CMTR1: variants seen among roughly 807,000 people sequenced by gnomAD.
CMTR1 encodes the protein cap methyltransferase 1.
CMTR1 carries 39 observed loss-of-function variants against 107.0 expected under a neutral mutation model. The ratio of observed to expected loss-of-function variants is 0.36; its 90% confidence interval spans 0.28 to 0.48. CMTR1 has a LOEUF of 0.48. CMTR1 is among the 20% of genes least tolerant of loss of function. The pLI, the probability that CMTR1 is intolerant of heterozygous loss-of-function variation, is 0.99. For missense variants in CMTR1, 672 were observed against 1,064.9 expected (o/e 0.63, Z 5.14); for synonymous variants, 366 against 379.5 (o/e 0.96, Z 0.41).
At chr6:37,425,908 A>G in the CMTR1 span, among the ~76,000 whole-genome samples, 1 of 152,252 alleles carries the variant, frequency 6.6e-6, no homozygotes, top group African/African-American at 2.4e-5. Flanking sequence ...ACACTCCCAC[A>G]ATGCATATGT....
the CMTR1 span, among the ~76,000 whole-genome samples, chr6:37,426,018 C>A: frequency 6.6e-6 from 1 of 152,054 alleles, no homozygotes; most frequent in East Asian, 1.9e-4. Flanking sequence ...ATTGTCCTAT[C>A]TTCAGGTTCA....
At chr6:37,478,631 G>A (rs1761791946) in intron 22 of CMTR1, 110 bp downstream of exon 22, 3 of 823,496 alleles carry the variant, frequency 3.6e-6, no homozygotes, top group African/African-American at 1.7e-5. Flanking sequence ...AGCTAAGGTG[G>A]GTAGCAGCCA....
At chr6:37,434,255 G>A (rs1377293287) in intron 1 of CMTR1, among the ~76,000 whole-genome samples, 1 of 152,152 alleles carries the variant, frequency 6.6e-6, no homozygotes, top group African/African-American at 2.4e-5. Flanking sequence ...GTTGTGCATT[G>A]GGTTGATTGG....
intron 8 of CMTR1, among the ~76,000 whole-genome samples, chr6:37,456,958 C>T (rs1761307093): frequency 6.6e-6 from 1 of 151,900 alleles, no homozygotes; most frequent in Non-Finnish European, 1.5e-5. Flanking sequence ...TGGTGACTTA[C>T]ACTTGTAATT....
chr6:37,433,054 T>C (rs1414464593), upstream of CMTR1, among the ~76,000 whole-genome samples: 1 of 152,276 alleles, frequency 6.6e-6, no homozygotes, highest in African/African-American at 2.4e-5. Flanking sequence ...TAGTTACTTT[T>C]GCTTTTGCAG....
At chr6:37,427,356 T>C in the CMTR1 span, among the ~76,000 whole-genome samples, 2 of 152,328 alleles carry the variant, frequency 1.3e-5, no homozygotes, top group South Asian at 4.1e-4. The surrounding 1 kb of genome is among the most constrained non-coding windows in gnomAD (Gnocchi z 4.4). Context: ...GTATTCTCAT[T>C]ATTTTTATGG....
chr6:37,458,891 C>A lies in CMTR1; in HGVS notation c.976+81C>A. 7.8e-7 allele frequency: 1 copy of A among 1,287,738 alleles called. No individual in the cohort carries two copies. The highest frequency in any genetic ancestry group is 1.1e-6 in the Non-Finnish European group (1 of 910,490). The allele number at this position is 1,287,738 out of a possible 1,614,324, so 79.8% of individuals were successfully genotyped here. On this transcript the variant is annotated intron_variant, in intron 9 of 23. Transcript: ENST00000373451. The surrounding 1 kb of genome is among the most constrained non-coding windows in gnomAD (Gnocchi z 4.7). Reference sequence around the variant, plus strand: ...CTTCAGGTCAGAAGCAGTTGTTATCCACATGCCATATTTTCTTTCCTAGGT... The same window carrying A: ...CTTCAGGTCAGAAGCAGTTGTTATCAACATGCCATATTTTCTTTCCTAGGT...
At chr6:37,448,164 T>C (rs957427955) in intron 4 of CMTR1, among the ~76,000 whole-genome samples, 3 of 142,554 alleles carry the variant, frequency 2.1e-5, no homozygotes, top group Admixed American at 1.5e-4. Context: ...TGAGCTGAGA[T>C]TGCGCCCCTG....
intron 5 of CMTR1, among the ~76,000 whole-genome samples, 182 bp downstream of exon 5, chr6:37,450,525 A>G (rs1326175811): frequency 1.3e-5 from 2 of 152,110 alleles, no homozygotes; most frequent in Non-Finnish European, 2.9e-5. Context: ...CCCCTTGGAG[A>G]TATGACAGGG....
rs1761219447 is a variant in CMTR1 at position 37,453,082 on chromosome 6, G to A, written c.645G>A (p.Arg215=). The A allele has an allele frequency of 6.2e-7, 1 of 1,614,154 alleles. No homozygotes were observed. Among genetic ancestry groups the A allele is most frequent in the East Asian group, 2.2e-5 (1 of 44,878 alleles). The part of the protein sequence containing the change: ...VFDVLDGEEM[R]RARTRANPYE... ...ATGTCTTGGATGGGGAAGAGATGCGGCGAGCTCGGACTCGGGCCAATCCCT... is the reference window on the plus strand; with the variant it reads ...ATGTCTTGGATGGGGAAGAGATGCGACGAGCTCGGACTCGGGCCAATCCCT... The change falls in exon 7 of 24, where the codon CGG becomes CGA. Residue 215 remains arginine (R), a synonymous_variant. Transcript: ENST00000373451.
intron 2 of CMTR1, among the ~76,000 whole-genome samples, chr6:37,436,895 G>T (rs1771541481): frequency 6.6e-6 from 1 of 152,158 alleles, no homozygotes; most frequent in African/African-American, 2.4e-5. Context: ...TAACAGATTG[G>T]TGACTGAAAG....
chr6:37,465,183 G>A (rs1156517954), intron 13 of CMTR1, among the ~76,000 whole-genome samples: 1 of 151,586 alleles, frequency 6.6e-6, no homozygotes, highest in Non-Finnish European at 1.5e-5. Flanking sequence ...CAGGAGAATC[G>A]CTTGAACCCG....
intron 2 of CMTR1, among the ~76,000 whole-genome samples, chr6:37,441,911 G>C (rs1437978058): frequency 6.6e-6 from 1 of 152,170 alleles, no homozygotes; most frequent in Non-Finnish European, 1.5e-5. Context: ...TCGATTAAGA[G>C]AATTGGACAG....
chr6:37,461,416 A>AGCT, intron 10 of CMTR1, 133 bp from the exon 11 acceptor site: 1 of 555,176 alleles, frequency 1.8e-6, no homozygotes, highest in Non-Finnish European at 3.2e-6. Flanking sequence ...CTCAACACTG[A>AGCT]GCTGCTTCTT....
chr6:37,438,395 A>AG (rs1771588083), intron 2 of CMTR1, among the ~76,000 whole-genome samples: 1 of 152,166 alleles, frequency 6.6e-6, no homozygotes, highest in Non-Finnish European at 1.5e-5. Context: ...GAAAAAAAAA[A>AG]GAATGGAAAT....
intron 17 of CMTR1, among the ~76,000 whole-genome samples, chr6:37,474,128 T>A (rs1032693810): frequency 2.6e-5 from 4 of 152,244 alleles, no homozygotes; most frequent in African/African-American, 9.6e-5. Flanking sequence ...TCTTCCTCAG[T>A]TACTTCTTTT....
chr6:37,477,685 G>A, intron 21 of CMTR1, 46 bp downstream of exon 21: 2 of 1,310,830 alleles, frequency 1.5e-6, no homozygotes, highest in South Asian at 1.2e-5. Flanking sequence ...GGAGGTGGGG[G>A]TGCGGCCGTG....
chr6:37,471,099 G>C (rs747351090), intron 14 of CMTR1, 22 bp downstream of exon 14: 5 of 1,570,734 alleles, frequency 3.2e-6, no homozygotes, highest in Non-Finnish European at 4.3e-6. Flanking sequence ...CCACTTTTCA[G>C]AAACCACCTA....
Position 37,458,573 on chromosome 6 carries a change from T to G in CMTR1, c.778-39T>G. The G allele has an allele frequency of 6.2e-7, 1 of 1,604,232 alleles. No homozygotes were observed. The highest frequency in any genetic ancestry group is 8.5e-7 in the Non-Finnish European group (1 of 1,174,556). Reference sequence around the variant, plus strand: ...CTTCCTGTTGCCCATTGAGCTGTCTTGTTTTCCTTCCTCTCCTGTCCTCCA... The same window carrying G: ...CTTCCTGTTGCCCATTGAGCTGTCTGGTTTTCCTTCCTCTCCTGTCCTCCA... On this transcript the variant is annotated intron_variant, in intron 8 of 23. Transcript: ENST00000373451. The surrounding 1 kb of genome is among the most constrained non-coding windows in gnomAD (Gnocchi z 4.7).
Sources: gnomAD v4.1 joint callset for allele counts (sites outside exome capture counted in the v4.1 genomes callset) on GRCh38, gnomAD v4.1.1 for gene constraint, Gnocchi (gnomAD v3.1) non-coding constraint, MANE v1.5 for transcripts, NCBI Gene and HGNC (gene_info 2026-07-23, HGNC 2026-07-21) for gene names.